Variants in VPS13B observed in about 807,000 individuals in gnomAD.
VPS13B encodes the protein intermembrane lipid transfer protein VPS13B.
VPS13B carries 285 observed loss-of-function variants against 426.4 expected under a neutral mutation model. The observed-to-expected ratio is 0.67, with a 90% confidence interval of 0.61 to 0.74. VPS13B has a LOEUF of 0.74. Ranked by LOEUF, VPS13B falls within the 30% of genes least tolerant of loss-of-function variation. The pLI is 0.00. For synonymous variants in VPS13B, 1,676 were observed against 1,676.4 expected (o/e 1.00, Z 0.01); for missense variants, 4,537 against 4,782.6 (o/e 0.95, Z 1.51).
At chr8:99,099,579 A>G (rs1330974845) in intron 4 of VPS13B, among the ~76,000 whole-genome samples, 1 of 152,226 alleles carries the variant, frequency 6.6e-6, no homozygotes, top group East Asian at 1.9e-4. Flanking sequence ...GAAGATAAGC[A>G]TACATATACA....
At chr8:99,242,344 T>C (rs749020066) in intron 17 of VPS13B, among the ~76,000 whole-genome samples, 6 of 152,238 alleles carry the variant, frequency 3.9e-5, no homozygotes, top group Non-Finnish European at 1.5e-5. Context: ...TTCAAAAATA[T>C]TGACTTTTAC....
chr8:99,143,953 A>G (rs879923297), intron 13 of VPS13B, among the ~76,000 whole-genome samples: 4 of 152,198 alleles, frequency 2.6e-5, no homozygotes, highest in Non-Finnish European at 5.9e-5. Flanking sequence ...TGGGAGCAGA[A>G]CTTTATGTGA....
At chr8:99,405,829 A>C (rs962408661) in intron 21 of VPS13B, among the ~76,000 whole-genome samples, 2 of 144,314 alleles carry the variant, frequency 1.4e-5, no homozygotes, top group Admixed American at 7.1e-5. Context: ...CCCAGGCTGG[A>C]GTGTAGTGGC....
At chr8:99,148,363 CAAAA>C (rs34767546) in intron 14 of VPS13B, among the ~76,000 whole-genome samples, 1 of 99,106 alleles carries the variant, frequency 1.0e-5, no homozygotes. Flanking sequence ...GACCCTGTCT[CAAAA>C]AAAAAAAAAA....
intron 34 of VPS13B, among the ~76,000 whole-genome samples, chr8:99,649,805 G>A (rs148759685): frequency 1.9e-3 from 295 of 152,278 alleles, no homozygotes; most frequent in Non-Finnish European, 3.4e-3. Flanking sequence ...AGCTTTGGAT[G>A]TGTCCTTACC....
chr8:99,520,869 G>A (rs1006895747), intron 29 of VPS13B, 30 bp from the exon 30 acceptor site: 8 of 1,558,358 alleles, frequency 5.1e-6, no homozygotes, highest in Non-Finnish European at 2.7e-6. Context: ...GATCCACAGT[G>A]TATTCATGAA....
chr8:99,240,106 T>TA (rs1007375574), intron 17 of VPS13B, among the ~76,000 whole-genome samples: 1 of 152,202 alleles, frequency 6.6e-6, no homozygotes, highest in African/African-American at 2.4e-5. Flanking sequence ...TTTAGTATAT[T>TA]AGGCATAGTG....
chr8:99,576,832 C>A (rs758683292), intron 32 of VPS13B, among the ~76,000 whole-genome samples: 1 of 152,158 alleles, frequency 6.6e-6, no homozygotes. Flanking sequence ...GACATCTACC[C>A]AATGCTGCCA....
At chr8:99,315,307 G>T (rs73285999) in intron 19 of VPS13B, among the ~76,000 whole-genome samples, 3,315 of 149,504 alleles carry the variant, frequency 0.022, 100 homozygotes, top group African/African-American at 0.072. Context: ...TGTCATGCAG[G>T]CTTTGTTAAT....
chr8:99,543,305 A>G (rs2133732877), intron 30 of VPS13B, among the ~76,000 whole-genome samples: 1 of 152,326 alleles, frequency 6.6e-6, no homozygotes, highest in Non-Finnish European at 1.5e-5. Flanking sequence ...TTATACAAAA[A>G]TCAATTCAAG....
chr8:99,512,455 TAA>T (rs1821840592), intron 29 of VPS13B, among the ~76,000 whole-genome samples: 1 of 152,214 alleles, frequency 6.6e-6, no homozygotes, highest in Non-Finnish European at 1.5e-5. Context: ...TAATTTACAT[TAA>T]GTTTACATAG....
At chr8:99,836,349 A>G (rs1410881386) in intron 54 of VPS13B, among the ~76,000 whole-genome samples, 1 of 152,198 alleles carries the variant, frequency 6.6e-6, no homozygotes, top group African/African-American at 2.4e-5. Flanking sequence ...TTGTATAACC[A>G]TCACCACTAT....
intron 2 of VPS13B, among the ~76,000 whole-genome samples, chr8:99,014,186 C>T (rs1215496228): frequency 7.7e-6 from 1 of 129,088 alleles, no homozygotes; most frequent in Non-Finnish European, 1.6e-5. Context: ...TGCGTGATCT[C>T]GGCTCACTGC....
At chr8:99,620,820 A>T (rs780911654) in intron 33 of VPS13B, among the ~76,000 whole-genome samples, 63 of 151,400 alleles carry the variant, frequency 4.2e-4, no homozygotes, top group Non-Finnish European at 5.7e-4. Flanking sequence ...AAAAAAAAAA[A>T]ATATACAAAA....
At chr8:99,046,783 CTG>C (rs1384349467) in intron 3 of VPS13B, among the ~76,000 whole-genome samples, 1 of 151,648 alleles carries the variant, frequency 6.6e-6, no homozygotes, top group Non-Finnish European at 1.5e-5. Flanking sequence ...AATGCTTTTT[CTG>C]TGTCTAATTT....
intron 31 of VPS13B, among the ~76,000 whole-genome samples, chr8:99,560,426 C>T (rs1226677335): frequency 1.3e-5 from 2 of 152,148 alleles, no homozygotes; most frequent in Non-Finnish European, 2.9e-5. Flanking sequence ...TATCACATCA[C>T]TTAACATATT....
chr8:99,297,825 T>C (rs1014912396), intron 19 of VPS13B, among the ~76,000 whole-genome samples: 1 of 152,236 alleles, frequency 6.6e-6, no homozygotes, highest in African/African-American at 2.4e-5. Context: ...CATCTTTCTA[T>C]GCCACTAAAT....
At chr8:99,327,697 A>G (rs1810347783) in intron 19 of VPS13B, among the ~76,000 whole-genome samples, 1 of 152,174 alleles carries the variant, frequency 6.6e-6, no homozygotes, top group African/African-American at 2.4e-5. Context: ...CACTTTACAG[A>G]TGACTAACTT....
intron 40 of VPS13B, among the ~76,000 whole-genome samples, chr8:99,772,951 T>C (rs1811583151): frequency 6.6e-6 from 1 of 152,192 alleles, no homozygotes. Flanking sequence ...CCCATTGAGA[T>C]GAATGCCAGT....
Sources: allele counts gnomAD v4.1 joint callset (sites outside exome capture counted in the v4.1 genomes callset), GRCh38; gene constraint gnomAD v4.1.1; transcripts MANE v1.5; gene names NCBI Gene and HGNC (gene_info 2026-07-23, HGNC 2026-07-21).